PTH: variants seen among roughly 807,000 people sequenced by gnomAD.
PTH encodes the protein parathormone.
In PTH, 7 loss-of-function variants were observed where a neutral mutation model predicts 7.4. The ratio of observed to expected loss-of-function variants is 0.94; its 90% CI spans 0.53 to 1.77. The LOEUF (loss-of-function observed/expected upper bound fraction) is 1.77. Among genes scored for constraint, PTH ranks in the 40% most tolerant of loss-of-function variants. The probability of loss-of-function intolerance (pLI) is 0.00; values close to 1 mark genes in which losing one functional copy is unlikely to be tolerated. For synonymous variants in PTH, 51 were observed against 46.6 expected (o/e 1.09, Z -0.39); for missense variants, 128 against 137.1 (o/e 0.93, Z 0.33).
In PTH at chr11:13,492,552, G is replaced by C; in HGVS notation, c.201C>G (p.Ala67=). 1 of 1,614,008 alleles carries C rather than the reference G, an allele frequency of 6.2e-7. No homozygotes were observed. The highest frequency in any genetic ancestry group is 8.5e-7 in the Non-Finnish European group (1 of 1,179,994). The change falls in exon 3 of 3, where the codon GCC becomes GCG. Residue 67 remains alanine, a synonymous_variant. Transcript: ENST00000282091. Reference sequence around the variant, plus strand: ...CTCTGGGAGCTAGAGGAGCTCCAAGGGCAACAAAATTGTGCACATCCTGCA... The same window carrying C: ...CTCTGGGAGCTAGAGGAGCTCCAAGCGCAACAAAATTGTGCACATCCTGCA... The part of the protein sequence containing the change: ...KKLQDVHNFV[A]LGAPLAPRDA...
intron 1 of PTH, among the ~76,000 whole-genome samples, chr11:13,494,364 C>G (rs1847514199): frequency 6.6e-6 from 1 of 152,074 alleles, no homozygotes; most frequent in African/African-American, 2.4e-5. Flanking sequence ...TATGTACTTC[C>G]TACTTAAAAT....
chr11:13,493,034 T>A (rs936515886), intron 1 of PTH, among the ~76,000 whole-genome samples, 174 bp from the exon 2 acceptor site: 10 of 152,034 alleles, frequency 6.6e-5, no homozygotes, highest in African/African-American at 2.4e-4. Flanking sequence ...ATTTAACTTA[T>A]AAATTAGTTT....
intron 1 of PTH, among the ~76,000 whole-genome samples, chr11:13,493,175 T>A (rs1449036688): frequency 6.6e-6 from 1 of 151,992 alleles, no homozygotes; most frequent in Non-Finnish European, 1.5e-5. Context: ...CTTAATATGC[T>A]AGTATTAATT....
In PTH at chr11:13,492,139, C is replaced by A; in HGVS notation, c.*266G>T. On this transcript the variant is annotated 3_prime_UTR_variant, in exon 3 of 3. Coordinates refer to ENST00000282091, the MANE Select transcript of PTH (RefSeq NM_000315.4). ...AAGGTAGAAGAGAGGTTTAAAAGTG[C>A]AATTTTATTCTTTTATAAATTATGC... The A allele has an allele frequency of 2.5e-6, 1 of 393,870 alleles. No individual in the cohort carries two copies. Among genetic ancestry groups the A allele is most frequent in the Non-Finnish European group, 4.5e-6 (1 of 221,360 alleles). 24.4% of individuals were successfully genotyped at this position (393,870 alleles called of 1,614,324 possible).
intron 1 of PTH, among the ~76,000 whole-genome samples, chr11:13,493,832 T>A (rs1024626730): frequency 9.9e-5 from 15 of 152,284 alleles, no homozygotes; most frequent in South Asian, 4.1e-4. Context: ...AAATTTTTTT[T>A]AAAAAAGTAT....
chr11:13,493,895 G>A (rs775025757), intron 1 of PTH, among the ~76,000 whole-genome samples: 2 of 152,028 alleles, frequency 1.3e-5, no homozygotes, highest in African/African-American at 2.4e-5. Context: ...AGGAAAAGAC[G>A]AAGTAGATAA....
chr11:13,492,687 G>A, intron 2 of PTH, 21 bp from the exon 3 acceptor site: 1 of 1,614,044 alleles, frequency 6.2e-7, no homozygotes, highest in Non-Finnish European at 8.5e-7. Context: ...GAGAAACAGA[G>A]AGGGCCACTT....
chr11:13,495,214 A>G (rs999164977), intron 1 of PTH, among the ~76,000 whole-genome samples: 2 of 152,210 alleles, frequency 1.3e-5, no homozygotes, highest in African/African-American at 4.8e-5. Flanking sequence ...TCACATCAGT[A>G]TAGGATATTC....
intron 1 of PTH, among the ~76,000 whole-genome samples, chr11:13,493,924 G>C (rs1253589027): frequency 6.6e-6 from 1 of 152,130 alleles, no homozygotes; most frequent in East Asian, 1.9e-4. Flanking sequence ...CTAGTATAGA[G>C]AGCAATGGTT....
In PTH at chr11:13,492,620, G is replaced by T; in HGVS notation, c.133C>A (p.His45Asn). The change falls in exon 3 of 3, where the codon CAT (histidine) becomes AAT (asparagine). Residue 45 changes from histidine to asparagine, a missense_variant. His to Asn is a moderately conservative substitution (Grantham distance 68). Transcript: ENST00000282091. ...TCTACTCTCTCCATCGAGTTCAGAT[G>T]TTTTCCCAGGTTATGCATAAGCTGT... Reference protein sequence around the residue: ...EIQLMHNLGKHLNSMERVEWL... With the variant: ...EIQLMHNLGKNLNSMERVEWL... The T allele has an allele frequency of 6.2e-7, 1 of 1,614,094 alleles. No individual in the cohort carries two copies. Among genetic ancestry groups the T allele is most frequent in the Non-Finnish European group, 8.5e-7 (1 of 1,180,014 alleles).
upstream of PTH, chr11:13,496,048 A>G (rs1027538740): frequency 2.0e-5 from 3 of 152,110 alleles, no homozygotes; most frequent in African/African-American, 4.8e-5. Context: ...TTACCAAGAG[A>G]GGCTCTTTTA....
In PTH at chr11:13,492,670, G is replaced by T. The variant is rs757031965; in HGVS notation, c.87-4C>A. On this transcript the variant is annotated splice_polypyrimidine_tract_variant and splice_region_variant and intron_variant, in intron 2 of 2. Transcript: ENST00000282091. The stretch of plus-strand genomic sequence containing the variant: ...TATTTCACTCACAGATCTCTTCCTG[G>T]GAAGAAGAGAAACAGAGAGGGCCAC... 6.2e-7 allele frequency: 1 copy of T among 1,613,996 alleles called. No individual in the cohort carries two copies. The highest frequency in any genetic ancestry group is 8.5e-7 in the Non-Finnish European group (1 of 1,180,002).
rs1311289285 is a variant in PTH, at chr11:13,492,778, T to G, written c.78A>C (p.Lys26Asn). 1 of 1,614,028 alleles carries G rather than the reference T, an allele frequency of 6.2e-7. No individual in the cohort carries two copies. The highest frequency in any genetic ancestry group is 1.7e-5 in the Admixed American group (1 of 59,940). Residue 26 changes from lysine to asparagine, a missense_variant, in exon 2 of 3, where the codon AAA (lysine) becomes AAC (asparagine). Lys to Asn is a moderately conservative substitution (Grantham distance 94). Coordinates refer to ENST00000282091, the MANE Select transcript of PTH (RefSeq NM_000315.4). ...AICFLTKSDG[K>N]SVKKRSVSEI... is the part of the protein sequence containing the mutation. ...GGCAAAACAGTACTTACTTAACAGATTTCCCATCCGATTTTGTAAGAAAAC... is the reference window on the plus strand; with the variant it reads ...GGCAAAACAGTACTTACTTAACAGAGTTCCCATCCGATTTTGTAAGAAAAC...
intron 1 of PTH, among the ~76,000 whole-genome samples, chr11:13,494,951 C>T (rs1196064480): frequency 1.3e-5 from 2 of 152,032 alleles, no homozygotes; most frequent in Admixed American, 6.6e-5. Flanking sequence ...CTTAAGTAAC[C>T]TTCATTTCAG....
chr11:13,495,669 G>T (rs1027591285), intron 1 of PTH, among the ~76,000 whole-genome samples: 3 of 151,970 alleles, frequency 2.0e-5, no homozygotes, highest in Non-Finnish European at 4.4e-5. Flanking sequence ...ATTTTTTGTT[G>T]TAATTTCAGA....
chr11:13,492,886 A>G (rs1452312117), intron 1 of PTH, 26 bp from the exon 2 acceptor site: 2 of 1,571,652 alleles, frequency 1.3e-6, no homozygotes, highest in Non-Finnish European at 1.7e-6. Context: ...AAATGGAGGT[A>G]TTTTAAAATA....
At chr11:13,494,660 TG>T (rs1188100704) in intron 1 of PTH, among the ~76,000 whole-genome samples, 1 of 152,202 alleles carries the variant, frequency 6.6e-6, no homozygotes, top group African/African-American at 2.4e-5. Context: ...TCAAGTTTTA[TG>T]GGGTAATGCG....
intron 1 of PTH, 72 bp from the exon 2 acceptor site, chr11:13,492,932 A>G (rs1847494607): frequency 7.4e-6 from 10 of 1,346,924 alleles, no homozygotes; most frequent in African/African-American, 1.5e-5. Context: ...ACAGAATGCA[A>G]TACTAACTAA....
rs576643168 is a variant in PTH at position 13,495,432 on chromosome 11, T to A, written c.-6+479A>T. 2.0e-5 allele frequency among the ~76,000 whole-genome samples: 3 copies of A among 152,326 alleles called. No homozygotes were observed. In the South Asian group the frequency reaches 6.2e-4, roughly 32 times the overall value. On this transcript the variant is annotated intron_variant, in intron 1 of 2. Coordinates refer to ENST00000282091, the MANE Select transcript of PTH (RefSeq NM_000315.4). ...TGTAAAGGAAATAAATATTTACTAG[T>A]CAAACTGGGCTTATCCAACTTTAGT...
Sources: allele counts gnomAD v4.1 joint callset (sites outside exome capture counted in the v4.1 genomes callset), GRCh38; gene constraint gnomAD v4.1.1; transcripts MANE v1.5; gene names NCBI Gene and HGNC (gene_info 2026-07-23, HGNC 2026-07-21).